The following ZNF711 variants were observed in gnomAD, a reference collection of about 807,000 sequenced individuals.
The protein encoded by ZNF711 is ZFX family zinc finger ZNF711, also known as zinc finger protein 711.
A neutral mutation model predicts 43.5 loss-of-function variants in ZNF711; 3 were observed. The observed-to-expected ratio is 0.07, with a 90% CI of 0.03 to 0.18. The LOEUF (loss-of-function observed/expected upper bound fraction) is 0.18. Ranked by LOEUF, ZNF711 falls within the 10% of genes least tolerant of loss-of-function variation. The pLI is 1.00. For synonymous variants in ZNF711, 209 were observed against 207.7 expected, an observed-to-expected ratio of 1.01 and a Z score of -0.06; for missense variants, 412 against 604.0, an observed-to-expected ratio of 0.68 and a Z score of 3.33.
chrX:85,260,791 G>T (rs1219436008), intron 5 of ZNF711, among the ~76,000 whole-genome samples: 1 of 110,385 alleles, frequency 9.1e-6, no homozygotes, highest in East Asian at 2.9e-4. Flanking sequence ...ACAATGCAGG[G>T]GTTAAGGGTG....
In ZNF711 at chrX:85,270,274, A is replaced by G. The variant is rs1931467277; in HGVS notation, c.1246+128A>G. The G allele has an allele frequency of 4.6e-6, 3 of 657,717 alleles. No individual in the cohort carries two copies. The Admixed American group carries it at 1.3e-4, about 28-fold the overall frequency. 54.2% of individuals were successfully genotyped at this position (657,717 alleles called of 1,213,427 possible). A position where few individuals can be genotyped will look rare whatever the true frequency, so the allele number is the denominator to read the frequency against. ...ATGTACCTGTTTGTGTATGCTATAGATAATTGTTTTTTTTTTTTTTTACTT... is the reference window on the plus strand; with the variant it reads ...ATGTACCTGTTTGTGTATGCTATAGGTAATTGTTTTTTTTTTTTTTTACTT... On this transcript the variant is annotated intron_variant, in intron 10 of 10. Coordinates refer to ENST00000674551, the MANE Select transcript of ZNF711 (RefSeq NM_001330574.2).
rs1261952742 is a variant in ZNF711 at position 85,244,145 on chromosome X, G to GGCGGCT, written c.-450_-449insGGCTGC. 1 of 134,765 alleles carries GGCGGCT rather than the reference G, an allele frequency of 7.4e-6. No individual in the cohort carries two copies. Among genetic ancestry groups the GGCGGCT allele is most frequent in the Non-Finnish European group, 1.4e-5 (1 of 74,027 alleles). 11.1% of individuals were successfully genotyped at this position (134,765 alleles called of 1,213,427 possible). A position where few individuals can be genotyped will look rare whatever the true frequency, so the allele number is the denominator to read the frequency against. ...CGGAGGCGGCGGCGGCGGCGGCGGC[G>GGCGGCT]GCAGCGGCGGCGGCAGCGGCGGCGG... On this transcript the variant is annotated 5_prime_UTR_variant, in exon 1 of 11. Coordinates refer to ENST00000674551, the MANE Select transcript of ZNF711 (RefSeq NM_001330574.2).
chrX:85,255,530 A>G lies in ZNF711; in HGVS notation c.351A>G (p.Leu117=), dbSNP rs1163992496. The G allele has an allele frequency of 3.3e-6, 4 of 1,210,094 alleles. No homozygotes were observed. Among genetic ancestry groups the G allele is most frequent in the Non-Finnish European group, 4.5e-6 (4 of 895,309 alleles). Residue 117 remains leucine, a synonymous_variant, in exon 5 of 11, where the codon CTA becomes CTG. Coordinates refer to ENST00000674551, the MANE Select transcript of ZNF711 (RefSeq NM_001330574.2). ...DDGDHILTSE[L]ITETVRVPEQ... ...GTGATCACATCTTGACTTCTGAACT[A>G]ATTACAGAAACCGTTAGGGTACCAG...
intron 4 of ZNF711, among the ~76,000 whole-genome samples, chrX:85,254,801 CAAA>C (rs376380248): frequency 1.7e-4 from 6 of 35,851 alleles, no homozygotes; most frequent in East Asian, 8.2e-4. Context: ...GACTCCGTCT[CAAA>C]AAAAAAAAAA....
intron 10 of ZNF711, 74 bp downstream of exon 10, chrX:85,270,220 C>T (rs1603005339): frequency 4.7e-6 from 5 of 1,062,179 alleles, no homozygotes; most frequent in Non-Finnish European, 5.1e-6. Flanking sequence ...AGAAAAATAT[C>T]GATGGTTTAC....
At chrX:85,256,656 T>C (rs1365536668) in intron 5 of ZNF711, among the ~76,000 whole-genome samples, 1 of 111,327 alleles carries the variant, frequency 9.0e-6, no homozygotes, top group Non-Finnish European at 1.9e-5. Flanking sequence ...TGTATGTGTG[T>C]ATAAAGTGAT....
intron 7 of ZNF711, among the ~76,000 whole-genome samples, 180 bp from the exon 8 acceptor site, chrX:85,267,098 A>T (rs1192465196): frequency 9.0e-6 from 1 of 110,760 alleles, no homozygotes; most frequent in African/African-American, 3.3e-5. Context: ...GTTTTGGTAA[A>T]TGATTGTCTC....
intron 8 of ZNF711, 66 bp downstream of exon 8, chrX:85,267,481 T>C: frequency 2.2e-6 from 2 of 908,899 alleles, no homozygotes; most frequent in Non-Finnish European, 1.4e-6. Flanking sequence ...TTTAGGCCAT[T>C]AAATAAGCTT....
intron 7 of ZNF711, among the ~76,000 whole-genome samples, chrX:85,265,910 C>T (rs1325596048): frequency 1.8e-5 from 2 of 111,265 alleles, no homozygotes; most frequent in Non-Finnish European, 3.8e-5. Flanking sequence ...TTGATGGTCT[C>T]CAAGCAGTTG....
rs753221892 is a variant in ZNF711, at chrX:85,268,268, CTT to C, written c.1055-4_1055-3del. The C allele has an allele frequency of 0.054, 43,756 of 815,903 alleles. No individual in the cohort carries two copies. The highest frequency in any genetic ancestry group is 0.062 in the East Asian group (1,467 of 23,485). The allele number at this position is 815,903 out of a possible 1,213,427, so 67.2% of individuals were successfully genotyped here. ...ATTAGCATATCAGTTTGTAATTGGT[CTT>C]TTTTTTTTTTTTTTTTTTTTTAGGA... On this transcript the variant is annotated intron_variant, in intron 8 of 10. Transcript: ENST00000674551.
intron 6 of ZNF711, 40 bp downstream of exon 6, chrX:85,264,470 T>C (rs1367101299): frequency 9.0e-7 from 1 of 1,105,802 alleles, no homozygotes; most frequent in African/African-American, 1.9e-5. Flanking sequence ...CAATAGGAGT[T>C]ATAATTTATT....
chrX:85,257,590 G>A (rs1166508001), intron 5 of ZNF711, among the ~76,000 whole-genome samples: 2 of 112,263 alleles, frequency 1.8e-5, no homozygotes, highest in African/African-American at 6.5e-5. Flanking sequence ...CACCTAGGTT[G>A]ATTCCCTGTC....
intron 5 of ZNF711, among the ~76,000 whole-genome samples, chrX:85,259,745 C>T (rs1295655919): frequency 1.8e-5 from 2 of 111,065 alleles, no homozygotes; most frequent in Non-Finnish European, 3.8e-5. Flanking sequence ...GATTTTGTAT[C>T]CTGAAGCCTT....
chrX:85,244,886 A>G (rs1928876012), intron 1 of ZNF711: 1 of 111,788 alleles, frequency 8.9e-6, no homozygotes, highest in African/African-American at 3.3e-5. Flanking sequence ...CCGCTGCACC[A>G]AGTGAGAGGA....
At chrX:85,265,048 A>G in intron 6 of ZNF711, 70 bp from the exon 7 acceptor site, 2 of 950,584 alleles carry the variant, frequency 2.1e-6, no homozygotes, top group Non-Finnish European at 3.0e-6. Context: ...ATTTCTATAT[A>G]TTCTTCTTAT....
At chrX:85,260,258 G>A (rs1930520854) in intron 5 of ZNF711, among the ~76,000 whole-genome samples, 1 of 110,583 alleles carries the variant, frequency 9.0e-6, no homozygotes, top group South Asian at 3.8e-4. Flanking sequence ...TGATCATGGT[G>A]TTTTAACTTT....
chrX:85,262,943 T>A (rs1332596493), intron 5 of ZNF711, among the ~76,000 whole-genome samples: 1 of 110,522 alleles, frequency 9.0e-6, no homozygotes, highest in East Asian at 2.8e-4. Flanking sequence ...TTTTTAGGAG[T>A]GCTGAATTAA....
chrX:85,247,578 T>C lies in ZNF711; in HGVS notation c.6T>C (p.Asp2=). 1.7e-6 allele frequency: 2 copies of C among 1,208,550 alleles called. No homozygotes were observed. The highest frequency in any genetic ancestry group is 1.7e-5 in the African/African-American group (1 of 57,868). M[D]SGGGSLGLHT... is the part of the protein sequence containing the mutation. ...GTGAATGAACTTTGCTAAGTATGGA[T>C]TCAGGCGGTGGAAGTCTTGGATTGC... The change falls in exon 4 of 11, where the codon GAT becomes GAC. Residue 2 remains aspartate, a synonymous_variant. Coordinates refer to ENST00000674551, the MANE Select transcript of ZNF711 (RefSeq NM_001330574.2).
rs1569270921 is a variant in ZNF711, at chrX:85,269,989, A to G, written c.1103-14A>G. 8.4e-7 allele frequency: 1 copy of G among 1,197,238 alleles called. No homozygotes were observed. Among genetic ancestry groups the G allele is most frequent in the South Asian group, 1.8e-5 (1 of 56,459 alleles). On this transcript the variant is annotated splice_polypyrimidine_tract_variant and intron_variant, in intron 9 of 10. Transcript: ENST00000674551. ...ATGTATGTGATTTAATGATGTTTCA[A>G]TTTTTTTTTCCAGGAAATACTTTGG...
Sources: allele counts gnomAD v4.1 joint callset (sites outside exome capture counted in the v4.1 genomes callset), GRCh38; gene constraint gnomAD v4.1.1; transcripts MANE v1.5; gene names NCBI Gene and HGNC (gene_info 2026-07-23, HGNC 2026-07-21).